UBXN8: variants seen among roughly 807,000 people sequenced by gnomAD.
UBXN8 encodes UBX domain protein 8, also known as UBX domain-containing protein 8.
A neutral mutation model predicts 32.1 loss-of-function variants in UBXN8; 27 were observed. The ratio of observed to expected loss-of-function variants is 0.84; its 90% CI spans 0.62 to 1.16. The LOEUF (loss-of-function observed/expected upper bound fraction) is 1.16, where lower values mean the gene tolerates loss of function less well. Among genes scored for constraint, UBXN8 ranks in the 50% most tolerant of loss-of-function variants. The probability of loss-of-function intolerance (pLI) is 0.00; values close to 1 mark genes in which losing one functional copy is unlikely to be tolerated. For synonymous variants in UBXN8, 109 were observed against 111.8 expected (o/e 0.98, Z 0.16); for missense variants, 306 against 311.4 (o/e 0.98, Z 0.13).
intron 3 of UBXN8, 95 bp downstream of exon 3, chr8:30,753,200 A>G (rs1805561182): frequency 7.5e-7 from 1 of 1,337,938 alleles, no homozygotes; most frequent in African/African-American, 1.5e-5. Flanking sequence ...CTTGGTGCTA[A>G]GATTTTAAAA....
In UBXN8 at chr8:30,766,421, A is replaced by G. The variant is rs114278694; in HGVS notation, c.*27A>G. 6.2e-3 allele frequency: 9,703 copies of G among 1,553,946 alleles called. 261 individuals carry two copies. In the African/African-American group the frequency reaches 0.079, roughly 13 times the overall value. On this transcript the variant is annotated 3_prime_UTR_variant, in exon 8 of 8. Coordinates refer to ENST00000265616, the MANE Select transcript of UBXN8 (RefSeq NM_005671.4). Reference sequence around the variant, plus strand: ...AAAGAAGGGAGAGCTCCCTGTTTGCATGAAGTCAGTTATGCTATGACCTTC... The same window carrying G: ...AAAGAAGGGAGAGCTCCCTGTTTGCGTGAAGTCAGTTATGCTATGACCTTC...
In UBXN8 at chr8:30,737,837, G is replaced by T. The variant is rs146266190; in HGVS notation, c.622+4529G>T. On this transcript the variant is annotated intron_variant, in intron 1 of 1. Transcript: ENST00000522968. The stretch of plus-strand genomic sequence containing the variant: ...CACTGCAGCCTGGGCAACACGATTG[G>T]ACCCTGTTAAAACAACAACAACCAA... Among the ~76,000 whole-genome samples, 3 of 152,224 alleles carry T rather than the reference G, an allele frequency of 2.0e-5. No homozygotes were observed. In the East Asian group the frequency reaches 5.8e-4, roughly 29 times the overall value.
At chr8:30,754,049 G>A (rs1563562201) in intron 3 of UBXN8, among the ~76,000 whole-genome samples, 6 of 152,126 alleles carry the variant, frequency 3.9e-5, no homozygotes. Context: ...AGACTATCCT[G>A]GCCAACAAGG....
chr8:30,741,742 G>A (rs1586089053), upstream of UBXN8, among the ~76,000 whole-genome samples: 2 of 152,036 alleles, frequency 1.3e-5, no homozygotes, highest in South Asian at 2.1e-4. Flanking sequence ...GAGTCACCGC[G>A]CCCGGCCACA....
intron 6 of UBXN8, among the ~76,000 whole-genome samples, chr8:30,762,635 C>T (rs1490976028): frequency 6.6e-6 from 1 of 152,080 alleles, no homozygotes; most frequent in African/African-American, 2.4e-5. Context: ...TCAAGTGATC[C>T]GCCCACCTTG....
At chr8:30,750,598 C>A (rs1157795760) in intron 1 of UBXN8, among the ~76,000 whole-genome samples, 2 of 152,026 alleles carry the variant, frequency 1.3e-5, no homozygotes, top group East Asian at 3.9e-4. Flanking sequence ...TGGTGAAACC[C>A]CGTCTCTACT....
intron 4 of UBXN8, 47 bp from the exon 5 acceptor site, chr8:30,756,718 G>A (rs770519801): frequency 3.1e-6 from 5 of 1,609,928 alleles, no homozygotes; most frequent in Admixed American, 3.4e-5. Flanking sequence ...ATAGAATAAA[G>A]TTGATAGAAA....
At chr8:30,745,943 G>A (rs1435018479) in intron 1 of UBXN8, among the ~76,000 whole-genome samples, 1 of 152,146 alleles carries the variant, frequency 6.6e-6, no homozygotes, top group African/African-American at 2.4e-5. Context: ...CAGAGATGTG[G>A]TTTTGCCATG....
upstream of UBXN8, among the ~76,000 whole-genome samples, chr8:30,729,590 C>T (rs944579693): frequency 5.3e-5 from 8 of 152,048 alleles, no homozygotes; most frequent in Admixed American, 2.6e-4. Flanking sequence ...TTGTGGTGTG[C>T]GTTTGGTGTG....
intron 5 of UBXN8, among the ~76,000 whole-genome samples, chr8:30,760,440 TA>T (rs1260731827): frequency 1.7e-3 from 84 of 50,476 alleles, no homozygotes; most frequent in African/African-American, 5.8e-3. Context: ...TATATATATA[TA>T]TATTTTTTTT....
intron 3 of UBXN8, among the ~76,000 whole-genome samples, chr8:30,754,024 G>A (rs1005519289): frequency 6.6e-6 from 1 of 152,098 alleles, no homozygotes; most frequent in Non-Finnish European, 1.5e-5. Context: ...GGTGGATCAC[G>A]AGGTCAAGAG....
chr8:30,753,820 T>C (rs6468454), intron 3 of UBXN8, among the ~76,000 whole-genome samples: 34,768 of 145,128 alleles, frequency 0.24, 4,599 homozygotes, highest in African/African-American at 0.36. Context: ...TTGCCCAGGC[T>C]GGGGTGGAGT....
At chr8:30,760,420 CATATAT>C (rs1307823939) in intron 5 of UBXN8, among the ~76,000 whole-genome samples, 2 of 85,606 alleles carry the variant, frequency 2.3e-5, no homozygotes, top group African/African-American at 8.3e-5. Context: ...CATACACAAT[CATATAT>C]ATATATATAT....
intron 2 of UBXN8, 122 bp from the exon 3 acceptor site, chr8:30,752,913 G>T: frequency 8.7e-7 from 1 of 1,144,244 alleles, no homozygotes; most frequent in South Asian, 2.2e-5. Flanking sequence ...AATGTGATGT[G>T]TTAGGGTCTC....
At position 30,746,948 on chromosome 8, in the gene UBXN8, T is replaced by A. The variant is rs181720298; in HGVS notation, c.88+2671T>A. On this transcript the variant is annotated intron_variant, in intron 1 of 7. Transcript: ENST00000265616. ...GAGGCAGGCGAGTCATGAGGTCAAGTAATCGAGACCATCCTGGCCAACATG... is the reference window on the plus strand; with the variant it reads ...GAGGCAGGCGAGTCATGAGGTCAAGAAATCGAGACCATCCTGGCCAACATG... Among the ~76,000 whole-genome samples, 827 of 137,166 alleles carry A rather than the reference T, an allele frequency of 6.0e-3. 153 individuals carry two copies. Among genetic ancestry groups the A allele is most frequent in the African/African-American group, 0.022 (731 of 33,134 alleles). The allele number at this position is 137,166 out of a possible 152,430, so 90.0% of individuals were successfully genotyped here.
chr8:30,765,554 G>C (rs1805977877), intron 7 of UBXN8, among the ~76,000 whole-genome samples: 1 of 151,734 alleles, frequency 6.6e-6, no homozygotes, highest in African/African-American at 2.4e-5. Context: ...ATATGTGTGT[G>C]TGTATATATA....
At chr8:30,753,979 C>T (rs990923712) in intron 3 of UBXN8, among the ~76,000 whole-genome samples, 9 of 152,076 alleles carry the variant, frequency 5.9e-5, no homozygotes, top group Non-Finnish European at 8.8e-5. Flanking sequence ...TGGTGGTGCA[C>T]GCCTGTAATC....
intron 1 of UBXN8, among the ~76,000 whole-genome samples, chr8:30,735,455 G>A (rs1805051120): frequency 6.6e-6 from 1 of 152,172 alleles, no homozygotes; most frequent in South Asian, 2.1e-4. Flanking sequence ...CACTCAGGAG[G>A]CTGAGACATG....
upstream of UBXN8, among the ~76,000 whole-genome samples, chr8:30,730,846 G>C (rs1415997237): frequency 2.0e-5 from 3 of 152,218 alleles, no homozygotes; most frequent in Non-Finnish European, 1.5e-5. Flanking sequence ...GCAGAAACAG[G>C]CTGGGTTTGC....
Sources: gnomAD v4.1 joint callset for allele counts (sites outside exome capture counted in the v4.1 genomes callset) on GRCh38, gnomAD v4.1.1 for gene constraint, MANE v1.5 for transcripts, NCBI Gene and HGNC (gene_info 2026-07-23, HGNC 2026-07-21) for gene names.